Variants in IL22RA1 observed in about 807,000 individuals in gnomAD.
IL22RA1 encodes the protein interleukin-22 receptor subunit alpha-1.
A neutral mutation model predicts 32.8 loss-of-function variants in IL22RA1; 25 were observed. The ratio of observed to expected loss-of-function variants is 0.76; its 90% CI spans 0.55 to 1.06. The LOEUF (loss-of-function observed/expected upper bound fraction) is 1.06. Ranked by LOEUF, IL22RA1 falls within the 50% of genes least tolerant of loss-of-function variation. IL22RA1 has a pLI of 0.00. For missense variants in IL22RA1, 709 were observed against 727.4 expected (o/e 0.97, Z 0.29); for synonymous variants, 305 against 305.0 (o/e 1.00, Z 0.00).
intron 2 of IL22RA1, among the ~76,000 whole-genome samples, chr1:24,138,005 C>T (rs541834371): frequency 3.3e-5 from 5 of 152,082 alleles, no homozygotes; most frequent in Non-Finnish European, 5.9e-5. Context: ...AGAAATGAGG[C>T]TCAGAGAGGG....
At chr1:24,137,915 C>A (rs147598724) in intron 2 of IL22RA1, among the ~76,000 whole-genome samples, 190 of 152,274 alleles carry the variant, frequency 1.2e-3, no homozygotes, top group Non-Finnish European at 1.9e-3. Context: ...TTGAACCCAG[C>A]CAGTCTGAGT....
intron 1 of IL22RA1, among the ~76,000 whole-genome samples, chr1:24,141,552 G>A (rs1174953517): frequency 1.3e-5 from 2 of 152,196 alleles, no homozygotes; most frequent in Non-Finnish European, 2.9e-5. Flanking sequence ...GGGCTACGTG[G>A]AGGTTGGCAC....
chr1:24,121,614 C>G lies in IL22RA1; in HGVS notation c.916G>C (p.Val306Leu). Residue 306 changes from valine (V) to leucine (L), a missense_variant, in exon 7 of 7, where the codon GTG becomes CTG. By Grantham distance (32) the Val-to-Leu change is conservative. Coordinates refer to ENST00000270800, the MANE Select transcript of IL22RA1 (RefSeq NM_021258.4). ...CCTGCGGGCTCCCTGGGTCCAGACA[C>G]CCTGATCTGGGAGTACTGGACAGGC... The part of the protein sequence containing the change: ...AQPVQYSQIR[V>L]SGPREPAGAP... 6.2e-7 allele frequency: 1 copy of G among 1,613,034 alleles called. No individual in the cohort carries two copies. The highest frequency in any genetic ancestry group is 2.2e-5 in the East Asian group (1 of 44,854).
At chr1:24,124,925 A>G (rs972475625) in intron 5 of IL22RA1, among the ~76,000 whole-genome samples, 1 of 152,104 alleles carries the variant, frequency 6.6e-6, no homozygotes, top group Non-Finnish European at 1.5e-5. Context: ...GGCTTGACAT[A>G]TTTCCATTTC....
intron 1 of IL22RA1, among the ~76,000 whole-genome samples, chr1:24,140,305 G>A (rs763859994): frequency 3.3e-5 from 5 of 152,332 alleles, no homozygotes; most frequent in East Asian, 3.9e-4. Context: ...GCGGGTTGGC[G>A]TCTGTGAATG....
chr1:24,128,109 C>G, intron 5 of IL22RA1, 32 bp downstream of exon 5: 4 of 1,490,428 alleles, frequency 2.7e-6, no homozygotes, highest in Non-Finnish European at 1.8e-6. Flanking sequence ...AATTCGGGAG[C>G]CCCACCTCCC....
intron 3 of IL22RA1, among the ~76,000 whole-genome samples, chr1:24,135,750 C>T (rs1034911675): frequency 1.3e-5 from 2 of 152,152 alleles, no homozygotes; most frequent in African/African-American, 4.8e-5. Flanking sequence ...GGGGAAGCCC[C>T]TTATAAAACC....
In IL22RA1 at chr1:24,120,574, C is replaced by A; in HGVS notation, c.*231G>T. 1 of 507,564 alleles carries A rather than the reference C, an allele frequency of 2.0e-6. No individual in the cohort carries two copies. The highest frequency in any genetic ancestry group is 3.5e-6 in the Non-Finnish European group (1 of 287,806). 31.4% of individuals were successfully genotyped at this position (507,564 alleles called of 1,614,324 possible). A position where few individuals can be genotyped will look rare whatever the true frequency, so the allele number is the denominator to read the frequency against. ...GGCTCAGCGAGCACGCGCTTGTCTA[C>A]ACAAGCTGCTCCCCAGAGCTCCCCC... On this transcript the variant is annotated 3_prime_UTR_variant, in exon 7 of 7. Transcript: ENST00000270800.
At chr1:24,136,474 T>A (rs1644243066) in intron 3 of IL22RA1, among the ~76,000 whole-genome samples, 1 of 151,492 alleles carries the variant, frequency 6.6e-6, no homozygotes, top group Admixed American at 6.6e-5. Context: ...AGAAATCAGG[T>A]CATCAGGGCT....
chr1:24,131,339 A>C (rs1313762384), intron 4 of IL22RA1, among the ~76,000 whole-genome samples: 1 of 152,240 alleles, frequency 6.6e-6, no homozygotes, highest in East Asian at 1.9e-4. Context: ...ATGTGAATTA[A>C]TGTCAAAAAA....
At chr1:24,142,423 C>G (rs1345715261) in intron 1 of IL22RA1, among the ~76,000 whole-genome samples, 1 of 152,208 alleles carries the variant, frequency 6.6e-6, no homozygotes, top group Admixed American at 6.5e-5. Flanking sequence ...CCCCCCACTC[C>G]GCTCACTTTA....
chr1:24,123,917 G>A (rs1247932408), intron 5 of IL22RA1, among the ~76,000 whole-genome samples: 2 of 152,110 alleles, frequency 1.3e-5, no homozygotes, highest in Non-Finnish European at 2.9e-5. Context: ...GTCATCCTTT[G>A]GGCCAAGGGT....
intron 4 of IL22RA1, among the ~76,000 whole-genome samples, chr1:24,132,345 T>C (rs1644211397): frequency 6.6e-6 from 1 of 151,108 alleles, no homozygotes; most frequent in Non-Finnish European, 1.5e-5. Context: ...TTTTTTTTTT[T>C]TTTTGAGATG....
chr1:24,123,537 G>A (rs539180244), intron 5 of IL22RA1, 114 bp from the exon 6 acceptor site: 3 of 1,530,492 alleles, frequency 2.0e-6, no homozygotes, highest in East Asian at 2.5e-5. Flanking sequence ...GGCTGGCAAG[G>A]CCTCTCCTAC....
chr1:24,121,289 G>A lies in IL22RA1; in HGVS notation c.1241C>T (p.Ser414Phe). ...AGGACTAGAAAGTGTCCCAGTGGGGGAGTCTTTGCCAGAACCTTCCATGCA... is the reference window on the plus strand; with the variant it reads ...AGGACTAGAAAGTGTCCCAGTGGGGAAGTCTTTGCCAGAACCTTCCATGCA... The part of the protein sequence containing the change: ...GVCMEGSGKD[S>F]PTGTLSSPKH... Residue 414 changes from serine to phenylalanine, a missense_variant, in exon 7 of 7, where the codon TCC becomes TTC. By Grantham distance (155) the Ser-to-Phe change is radical. Coordinates refer to ENST00000270800, the MANE Select transcript of IL22RA1 (RefSeq NM_021258.4). The A allele has an allele frequency of 6.2e-7, 1 of 1,613,982 alleles. No homozygotes were observed. Among genetic ancestry groups the A allele is most frequent in the Non-Finnish European group, 8.5e-7 (1 of 1,179,916 alleles).
chr1:24,129,540 T>C (rs575322583), intron 4 of IL22RA1, among the ~76,000 whole-genome samples: 15 of 152,360 alleles, frequency 9.8e-5, no homozygotes, highest in African/African-American at 3.4e-4. Context: ...GGCCTAAACC[T>C]TGAAGCCATT....
At chr1:24,125,746 C>T (rs769756301) in intron 5 of IL22RA1, among the ~76,000 whole-genome samples, 4 of 152,006 alleles carry the variant, frequency 2.6e-5, no homozygotes, top group African/African-American at 9.7e-5. Flanking sequence ...ACCCAGCTTA[C>T]AGGATTGTTG....
Position 24,121,059 on chromosome 1 carries a change from A to G in IL22RA1, c.1471T>C (p.Tyr491His). 6.2e-7 allele frequency: 1 copy of G among 1,614,120 alleles called. No individual in the cohort carries two copies. The highest frequency in any genetic ancestry group is 8.5e-7 in the Non-Finnish European group (1 of 1,180,000). Residue 491 changes from tyrosine to histidine, a missense_variant, in exon 7 of 7, where the codon TAC (tyrosine) becomes CAC (histidine). Transcript: ENST00000270800. ...LHSGEEGTPQYLKGQLPLLSS... is the reference protein window; with the variant it reads ...LHSGEEGTPQHLKGQLPLLSS... Reference sequence around the variant, plus strand: ...AGGAGGGGGAGCTGGCCCTTTAGGTACTGTGGTGTCCCTTCCTCCCCACTG... The same window carrying G: ...AGGAGGGGGAGCTGGCCCTTTAGGTGCTGTGGTGTCCCTTCCTCCCCACTG...
Position 24,134,259 on chromosome 1 carries a change from A to G in IL22RA1, c.483T>C (p.His161=), listed in dbSNP as rs763081451. 2 of 1,612,128 alleles carry G rather than the reference A, an allele frequency of 1.2e-6. No homozygotes were observed. Among genetic ancestry groups the G allele is most frequent in the Non-Finnish European group, 8.5e-7 (1 of 1,179,028 alleles). Residue 161 remains histidine (H), a synonymous_variant, in exon 4 of 7, where the codon CAT becomes CAC. Coordinates refer to ENST00000270800, the MANE Select transcript of IL22RA1 (RefSeq NM_021258.4). ...GHRLTLEDIF[H]DLFYHLELQV... ...GGAGCTCTAAGTGGTAGAACAGGTCATGGAAGATGTCTTCCAGGGTTAGCC... is the reference window on the plus strand; with the variant it reads ...GGAGCTCTAAGTGGTAGAACAGGTCGTGGAAGATGTCTTCCAGGGTTAGCC...
Sources: gnomAD v4.1 joint callset for allele counts (sites outside exome capture counted in the v4.1 genomes callset) on GRCh38, gnomAD v4.1.1 for gene constraint, MANE v1.5 for transcripts, NCBI Gene and HGNC (gene_info 2026-07-23, HGNC 2026-07-21) for gene names.